Variants in PCDH11X observed in about 807,000 individuals in gnomAD.
PCDH11X encodes protocadherin 11 X-linked.
PCDH11X carries 18 observed loss-of-function variants against 53.3 expected under a neutral mutation model. That is an observed-to-expected ratio of 0.34 (90% CI 0.23 to 0.50). PCDH11X has a LOEUF of 0.50. PCDH11X is among the 20% of genes least tolerant of loss of function. PCDH11X has a pLI of 0.98. For synonymous variants in PCDH11X, 279 were observed against 393.3 expected (o/e 0.71, Z 3.44); for missense variants, 570 against 1,032.4 (o/e 0.55, Z 6.14).
chrX:91,995,045 A>G (rs1353638631), intron 6 of PCDH11X, among the ~76,000 whole-genome samples: 1 of 111,049 alleles, frequency 9.0e-6, no homozygotes, highest in South Asian at 3.7e-4. Context: ...AGTTAGTTGT[A>G]TATTTTAGAT....
At chrX:92,282,672 A>T (rs2148446485) in intron 8 of PCDH11X, among the ~76,000 whole-genome samples, 1 of 111,829 alleles carries the variant, frequency 8.9e-6, no homozygotes, top group African/African-American at 3.2e-5. Flanking sequence ...TTTAGTAGAT[A>T]GCAGGTCAAT....
rs780159871 is a variant in PCDH11X, at chrX:91,877,764, T to C, written c.1524T>C (p.Asp508=). 24 of 1,209,822 alleles carry C rather than the reference T, an allele frequency of 2.0e-5. No homozygotes were observed. In the Admixed American group the frequency reaches 5.3e-4, roughly 26 times the overall value. The change falls in exon 6 of 11, where the codon GAT becomes GAC. Residue 508 remains aspartate, a synonymous_variant. Transcript: ENST00000682573. ...AGATCAATTACCTGCTAGGCCCTGA[T>C]GCTCCACCTGAATTCAGCCTGGATT... ...NAKINYLLGP[D]APPEFSLDCR...
At chrX:92,037,848 G>A (rs773490777) in intron 6 of PCDH11X, among the ~76,000 whole-genome samples, 23 of 108,546 alleles carry the variant, frequency 2.1e-4, no homozygotes, top group Non-Finnish European at 3.6e-4. Flanking sequence ...GTCTTCTTCT[G>A]AGAAGTGTCT....
At chrX:92,149,119 C>G (rs1302556199) in intron 6 of PCDH11X, among the ~76,000 whole-genome samples, 1 of 110,670 alleles carries the variant, frequency 9.0e-6, no homozygotes, top group Non-Finnish European at 1.9e-5. Context: ...AAACATCAAC[C>G]CTATAACTGT....
chrX:92,144,539 G>A (rs2759742), intron 6 of PCDH11X, among the ~76,000 whole-genome samples: 35 of 111,100 alleles, frequency 3.2e-4, no homozygotes, highest in South Asian at 1.1e-3. Context: ...AGTGTCTCTC[G>A]CCTCCTACCA....
intron 6 of PCDH11X, among the ~76,000 whole-genome samples, chrX:92,156,880 TAAG>T (rs932330498): frequency 8.9e-6 from 1 of 111,905 alleles, no homozygotes; most frequent in African/African-American, 3.2e-5. Flanking sequence ...GCTTTCTGCA[TAAG>T]AAGTCAAAAG....
Position 92,608,603 on chromosome X carries a change from T to A in PCDH11X, c.3368-9661T>A, listed in dbSNP as rs978904183. Among the ~76,000 whole-genome samples the A allele has an allele frequency of 4.5e-5, 5 of 110,064 alleles. No homozygotes were observed. The Admixed American group carries it at 4.9e-4, about 11-fold the overall frequency. On this transcript the variant is annotated intron_variant, in intron 10 of 10. Coordinates refer to ENST00000682573, the MANE Select transcript of PCDH11X (RefSeq NM_032968.5). ...TATTAAAAATATTTCAAGCAGTGAG[T>A]CCACAAAGAAGCATGTATTATTTGG...
At chrX:92,389,627 C>T (rs1388532110) in intron 9 of PCDH11X, among the ~76,000 whole-genome samples, 2 of 110,943 alleles carry the variant, frequency 1.8e-5, no homozygotes, top group Non-Finnish European at 3.8e-5. Flanking sequence ...AAATGGAATA[C>T]TGTTGATAAT....
At chrX:91,966,790 A>C (rs2061870511) in intron 6 of PCDH11X, among the ~76,000 whole-genome samples, 1 of 111,372 alleles carries the variant, frequency 9.0e-6, no homozygotes, top group Non-Finnish European at 1.9e-5. Flanking sequence ...GTTGGGTGAA[A>C]GGGAATTAAT....
chrX:91,841,336 T>C (rs1937514421), intron 5 of PCDH11X, among the ~76,000 whole-genome samples: 1 of 111,742 alleles, frequency 8.9e-6, no homozygotes, highest in African/African-American at 3.2e-5. Context: ...TGGACACTTA[T>C]GGAACGTAAG....
chrX:92,282,572 G>A (rs1254309733), intron 8 of PCDH11X, among the ~76,000 whole-genome samples: 2 of 111,474 alleles, frequency 1.8e-5, no homozygotes, highest in Admixed American at 1.9e-4. Context: ...AAAATGATAT[G>A]CTATGTTAAG....
intron 7 of PCDH11X, among the ~76,000 whole-genome samples, chrX:92,256,520 G>C (rs761053970): frequency 1.8e-5 from 2 of 111,713 alleles, no homozygotes; most frequent in South Asian, 3.8e-4. Context: ...AATCCCACTT[G>C]GTGATAATGA....
chrX:92,147,341 ATT>A (rs2065284023), intron 6 of PCDH11X, among the ~76,000 whole-genome samples: 1 of 109,149 alleles, frequency 9.2e-6, no homozygotes. Flanking sequence ...CCATTGTGTG[ATT>A]TTGTCTTATG....
chrX:92,037,537 A>G (rs2063144578), intron 6 of PCDH11X, among the ~76,000 whole-genome samples: 1 of 111,291 alleles, frequency 9.0e-6, no homozygotes, highest in African/African-American at 3.3e-5. Context: ...ATGTATCTTT[A>G]TAGTAAAATG....
At chrX:92,185,139 G>A (rs1176237915) in intron 6 of PCDH11X, among the ~76,000 whole-genome samples, 1 of 110,513 alleles carries the variant, frequency 9.0e-6, no homozygotes, top group Non-Finnish European at 1.9e-5. Context: ...CCAGCTACAC[G>A]GGGGGCTAAG....
chrX:92,016,488 C>T (rs988977673), intron 6 of PCDH11X, among the ~76,000 whole-genome samples: 7 of 110,771 alleles, frequency 6.3e-5, no homozygotes, highest in African/African-American at 1.6e-4. Flanking sequence ...CTAGATCTTC[C>T]GGATAACTTG....
intron 6 of PCDH11X, among the ~76,000 whole-genome samples, chrX:91,924,786 CT>C (rs11345155): frequency 0.016 from 1,791 of 111,148 alleles, 44 homozygotes; most frequent in African/African-American, 0.057. Context: ...ACATTTCTTC[CT>C]CCTGGTCTCA....
At chrX:91,996,115 A>ACAGGCAT (rs1446338093) in intron 6 of PCDH11X, among the ~76,000 whole-genome samples, 1 of 99,587 alleles carries the variant, frequency 1.0e-5, no homozygotes, top group African/African-American at 3.8e-5. Context: ...TGCTGGGATT[A>ACAGGCAT]CAGGCATGAG....
At chrX:92,585,650 G>A (rs1028164478) in intron 10 of PCDH11X, among the ~76,000 whole-genome samples, 6 of 110,749 alleles carry the variant, frequency 5.4e-5, no homozygotes, top group African/African-American at 2.0e-4. Flanking sequence ...GATTACAGGC[G>A]TGAGCCACCG....
Sources: gnomAD v4.1 joint callset for allele counts (sites outside exome capture counted in the v4.1 genomes callset) on GRCh38, gnomAD v4.1.1 for gene constraint, MANE v1.5 for transcripts, NCBI Gene and HGNC (gene_info 2026-07-23, HGNC 2026-07-21) for gene names.